Variants in GRIA3 observed in about 807,000 individuals in gnomAD.
The protein encoded by GRIA3 is glutamate receptor 3.
In GRIA3, 3 loss-of-function variants were observed where a neutral mutation model predicts 63.0. The observed-to-expected ratio is 0.05, with a 90% CI of 0.02 to 0.12. The LOEUF (loss-of-function observed/expected upper bound fraction) is 0.12. Ranked by LOEUF, GRIA3 falls within the 10% of genes least tolerant of loss-of-function variation. The pLI, the probability that GRIA3 is intolerant of heterozygous loss-of-function variation, is 1.00. For missense variants in GRIA3, 347 were observed against 700.9 expected, an observed-to-expected ratio of 0.50 and a Z score of 5.70; for synonymous variants, 274 against 257.9, an observed-to-expected ratio of 1.06 and a Z score of -0.60.
At chrX:123,387,865 A>C (rs1280942973) in intron 5 of GRIA3, among the ~76,000 whole-genome samples, 1 of 112,138 alleles carries the variant, frequency 8.9e-6, no homozygotes, top group African/African-American at 3.2e-5. Context: ...ATCTATGTTC[A>C]TCATGGATAT....
chrX:123,230,398 C>T (rs996199134), intron 2 of GRIA3, among the ~76,000 whole-genome samples: 6 of 111,614 alleles, frequency 5.4e-5, no homozygotes, highest in East Asian at 2.8e-4. Context: ...GAAGTGTTAA[C>T]GATCACTAAT....
intron 4 of GRIA3, among the ~76,000 whole-genome samples, chrX:123,341,265 C>T (rs535685618): frequency 9.8e-5 from 11 of 112,098 alleles, no homozygotes; most frequent in Middle Eastern, 9.2e-3. Context: ...CAAATGTGGT[C>T]ATTTTGTGTA....
At chrX:123,430,421 T>C (rs2045611264) in intron 12 of GRIA3, among the ~76,000 whole-genome samples, 1 of 111,357 alleles carries the variant, frequency 9.0e-6, no homozygotes, top group African/African-American at 3.3e-5. Context: ...TATCTAAAAG[T>C]GGAACTATAA....
At chrX:123,225,191 G>A (rs1263259175) in intron 2 of GRIA3, among the ~76,000 whole-genome samples, 2 of 111,787 alleles carry the variant, frequency 1.8e-5, no homozygotes, top group African/African-American at 6.5e-5. Flanking sequence ...AAGCTTCAAT[G>A]TTCTCATCTG....
At chrX:123,315,991 C>T (rs1445885270) in intron 3 of GRIA3, among the ~76,000 whole-genome samples, 5 of 82,746 alleles carry the variant, frequency 6.0e-5, no homozygotes, top group Non-Finnish European at 1.1e-4. Context: ...GCCTGGGCAA[C>T]ATAGCAAGAC....
intron 5 of GRIA3, among the ~76,000 whole-genome samples, chrX:123,390,016 C>A (rs1397168666): frequency 8.9e-6 from 1 of 111,930 alleles, no homozygotes. Context: ...CAGTCTATAT[C>A]TTTTAAGTAG....
chrX:123,281,513 A>C (rs898479158), intron 3 of GRIA3, among the ~76,000 whole-genome samples: 1 of 112,023 alleles, frequency 8.9e-6, no homozygotes, highest in Non-Finnish European at 1.9e-5. Flanking sequence ...CTTTATAGTA[A>C]TTTTATGAAG....
At chrX:123,255,059 T>C in intron 3 of GRIA3, among the ~76,000 whole-genome samples, 1 of 112,067 alleles carries the variant, frequency 8.9e-6, no homozygotes, top group Non-Finnish European at 1.9e-5. Flanking sequence ...CAAGGGGGTG[T>C]GTACAGAAAA....
chrX:123,390,871 T>G (rs2045383124), intron 5 of GRIA3, among the ~76,000 whole-genome samples: 1 of 111,450 alleles, frequency 9.0e-6, no homozygotes, highest in African/African-American at 3.3e-5. Context: ...TTTCAATGAC[T>G]TGTCTTCAAC....
intron 12 of GRIA3, among the ~76,000 whole-genome samples, chrX:123,430,339 C>A (rs185755622): frequency 3.6e-5 from 4 of 111,341 alleles, no homozygotes; most frequent in African/African-American, 9.8e-5. Flanking sequence ...TTTCTGTTTC[C>A]CCAAATGGTC....
At chrX:123,322,983 T>C (rs1174348288) in intron 3 of GRIA3, among the ~76,000 whole-genome samples, 1 of 112,711 alleles carries the variant, frequency 8.9e-6, no homozygotes, top group East Asian at 2.8e-4. Flanking sequence ...CTCTCATTTG[T>C]GGCAGTATGC....
intron 4 of GRIA3, among the ~76,000 whole-genome samples, chrX:123,330,328 A>G (rs2044932839): frequency 8.9e-6 from 1 of 112,029 alleles, no homozygotes; most frequent in African/African-American, 3.2e-5. Flanking sequence ...CCCTCTGCTC[A>G]ATCCTAGTAA....
intron 14 of GRIA3, 22 bp downstream of exon 14, chrX:123,480,199 T>A: frequency 1.0e-6 from 1 of 955,071 alleles, no homozygotes; most frequent in East Asian, 3.1e-5. Flanking sequence ...AAGGTCTTTT[T>A]GTACTGATTA....
intron 12 of GRIA3, among the ~76,000 whole-genome samples, chrX:123,437,034 T>C (rs1490648684): frequency 9.1e-6 from 1 of 109,535 alleles, no homozygotes; most frequent in African/African-American, 3.3e-5. Context: ...GAATGCTTGG[T>C]TGCACTCCAC....
intron 2 of GRIA3, among the ~76,000 whole-genome samples, chrX:123,226,454 T>G (rs2044247587): frequency 9.0e-6 from 1 of 111,682 alleles, no homozygotes; most frequent in South Asian, 3.8e-4. Flanking sequence ...AGTTTCCCAT[T>G]GCTTCAGTTT....
Position 123,490,595 on chromosome X carries a change from G to A in GRIA3, c.*1885G>A, listed in dbSNP as rs956702840. On this transcript the variant is annotated 3_prime_UTR_variant, in exon 16 of 16. Coordinates refer to ENST00000620443, the MANE Select transcript of GRIA3 (RefSeq NM_007325.5). ...CAAATCAGTTTTTCAGAGAGGAAAC[G>A]TCACTGAGATGAAGAGGCGGGTAAA... 1 of 112,328 alleles carries A rather than the reference G, an allele frequency of 8.9e-6. No individual in the cohort carries two copies. Among genetic ancestry groups the A allele is most frequent in the Non-Finnish European group, 1.9e-5 (1 of 53,267 alleles). The allele number at this position is 112,328 out of a possible 1,213,427, so 9.3% of individuals were successfully genotyped here. A position where few individuals can be genotyped will look rare whatever the true frequency, so the allele number is the denominator to read the frequency against.
At chrX:123,275,069 C>A (rs943579486) in intron 3 of GRIA3, among the ~76,000 whole-genome samples, 2 of 109,995 alleles carry the variant, frequency 1.8e-5, no homozygotes, top group Non-Finnish European at 1.9e-5. Flanking sequence ...ACAACAGAAG[C>A]GAAGGAATGC....
intron 3 of GRIA3, 134 bp from the exon 4 acceptor site, chrX:123,325,892 G>T (rs1003543889): frequency 1.8e-5 from 10 of 549,681 alleles, no homozygotes; most frequent in Non-Finnish European, 3.1e-5. Context: ...TAAGGCTGAG[G>T]TTATGAGTAA....
intron 10 of GRIA3, among the ~76,000 whole-genome samples, chrX:123,413,695 C>T (rs749469700): frequency 1.5e-4 from 17 of 110,401 alleles, no homozygotes; most frequent in Middle Eastern, 4.7e-3. Flanking sequence ...TAGTTAGTAA[C>T]GTGGAACTGG....
Sources: gnomAD v4.1 joint callset for allele counts (sites outside exome capture counted in the v4.1 genomes callset) on GRCh38, gnomAD v4.1.1 for gene constraint, MANE v1.5 for transcripts, NCBI Gene and HGNC (gene_info 2026-07-23, HGNC 2026-07-21) for gene names.